PLEKHA2: variants seen among roughly 807,000 people sequenced by gnomAD.
The protein encoded by PLEKHA2 is pleckstrin homology domain containing A2.
PLEKHA2 carries 28 observed loss-of-function variants against 53.2 expected under a neutral mutation model. The ratio of observed to expected loss-of-function variants is 0.53; its 90% CI spans 0.39 to 0.72. PLEKHA2 has a LOEUF of 0.72. Ranked by LOEUF, PLEKHA2 falls within the 30% of genes least tolerant of loss-of-function variation. PLEKHA2 has a pLI of 0.00. For synonymous variants in PLEKHA2, 193 were observed against 196.4 expected, an observed-to-expected ratio of 0.98 and a Z score of 0.14; for missense variants, 426 against 537.9, an observed-to-expected ratio of 0.79 and a Z score of 2.06.
intron 1 of PLEKHA2, among the ~76,000 whole-genome samples, chr8:38,902,931 G>C (rs547344592): frequency 6.6e-6 from 1 of 152,148 alleles, no homozygotes; most frequent in Admixed American, 6.5e-5. Flanking sequence ...TCAGACATTA[G>C]CCCTCTTCAC....
At chr8:38,936,164 T>G (rs4633027) in intron 3 of PLEKHA2, 114 bp downstream of exon 3, 302,866 of 1,137,680 alleles carry the variant, frequency 0.27, 43,151 homozygotes, top group Non-Finnish European at 0.3. Context: ...TGCATGGTGT[T>G]GAAATGCTCC....
intron 10 of PLEKHA2, among the ~76,000 whole-genome samples, chr8:38,965,733 A>C (rs1432223612): frequency 6.6e-6 from 1 of 152,118 alleles, no homozygotes; most frequent in Non-Finnish European, 1.5e-5. Flanking sequence ...TCTTATGGAG[A>C]GGGCAATGCG....
chr8:38,920,497 A>G (rs1353322868), intron 2 of PLEKHA2, among the ~76,000 whole-genome samples: 1 of 144,140 alleles, frequency 6.9e-6, no homozygotes, highest in Non-Finnish European at 1.5e-5. Context: ...CTGGTCTTGA[A>G]CTCCTCACCT....
chr8:38,902,590 G>A (rs1833807828), intron 1 of PLEKHA2, among the ~76,000 whole-genome samples: 1 of 152,160 alleles, frequency 6.6e-6, no homozygotes, highest in Admixed American at 6.5e-5. Flanking sequence ...GAAGTCCCAA[G>A]ATTGCACTAA....
intron 10 of PLEKHA2, among the ~76,000 whole-genome samples, chr8:38,961,099 G>A (rs1313728084): frequency 2.0e-5 from 3 of 152,142 alleles, no homozygotes; most frequent in Non-Finnish European, 4.4e-5. Flanking sequence ...TAAGCTCATG[G>A]AGGTAGCCAG....
Position 38,918,054 on chromosome 8 carries a change from A to G in PLEKHA2, c.125A>G (p.Tyr42Cys). The part of the protein sequence containing the change: ...LDTQANCLLW[Y>C]MDNPQNLAMG... The stretch of plus-strand genomic sequence containing the variant: ...ACCCAGGCTAACTGCCTCCTCTGGT[A>G]TATGGACAACCCCCAGGTGAGAGGG... The change falls in exon 2 of 12, where the codon TAT (tyrosine) becomes TGT (cysteine). Residue 42 changes from tyrosine to cysteine, a missense_variant. Coordinates refer to ENST00000617275, the MANE Select transcript of PLEKHA2 (RefSeq NM_021623.2). The G allele has an allele frequency of 6.2e-7, 1 of 1,613,128 alleles. No individual in the cohort carries two copies. Among genetic ancestry groups the G allele is most frequent in the South Asian group, 1.1e-5 (1 of 90,980 alleles).
chr8:38,946,082 T>C lies in PLEKHA2; in HGVS notation c.248-42T>C, dbSNP rs1422870268. On this transcript the variant is annotated intron_variant, in intron 4 of 11. Transcript: ENST00000617275. ...GAGACTTGTTGTATTGCTTGTATTC[T>C]GACCTAGGAATGTCTTCCCTTCTTT... 7 of 1,492,598 alleles carry C rather than the reference T, an allele frequency of 4.7e-6. No homozygotes were observed. In the African/African-American group the frequency reaches 8.3e-5, roughly 18 times the overall value. 92.5% of individuals were successfully genotyped at this position (1,492,598 alleles called of 1,614,324 possible). A position where few individuals can be genotyped will look rare whatever the true frequency, so the allele number is the denominator to read the frequency against.
intron 1 of PLEKHA2, among the ~76,000 whole-genome samples, chr8:38,902,616 A>G (rs1833809061): frequency 6.6e-6 from 1 of 152,072 alleles, no homozygotes; most frequent in African/African-American, 2.4e-5. Flanking sequence ...TTCTTAATCT[A>G]TCTGACCAAG....
chr8:38,948,085 CAAA>C (rs386412587), intron 5 of PLEKHA2, among the ~76,000 whole-genome samples: 4 of 119,076 alleles, frequency 3.4e-5, no homozygotes, highest in Admixed American at 1.8e-4. Context: ...GACTCCATCT[CAAA>C]AAAAAAAAAA....
chr8:38,955,771 A>T (rs184473884), intron 9 of PLEKHA2, among the ~76,000 whole-genome samples: 1 of 152,328 alleles, frequency 6.6e-6, no homozygotes, highest in Non-Finnish European at 1.5e-5. Context: ...AACTCTTGGC[A>T]TATAACACAC....
intron 3 of PLEKHA2, among the ~76,000 whole-genome samples, chr8:38,940,658 G>GGGC (rs1049872732): frequency 2.0e-5 from 2 of 100,682 alleles, no homozygotes; most frequent in African/African-American, 7.7e-5. Flanking sequence ...GGCGGGGGGG[G>GGGC]GGGGTCAGAA....
At chr8:38,950,769 C>T (rs1024621587) in intron 5 of PLEKHA2, 81 bp from the exon 6 acceptor site, 23 of 1,518,918 alleles carry the variant, frequency 1.5e-5, no homozygotes, top group Middle Eastern at 1.8e-4. Flanking sequence ...GCTTTTCTCA[C>T]GGCAGCCCCA....
In PLEKHA2 at chr8:38,907,818, T is replaced by TATG. The variant is rs1833900625; in HGVS notation, c.-24+6373_-24+6374insATG. 2.7e-5 allele frequency among the ~76,000 whole-genome samples: 4 copies of TATG among 147,288 alleles called. No individual in the cohort carries two copies. In the South Asian group the frequency reaches 6.5e-4, roughly 24 times the overall value. Reference sequence around the variant, plus strand: ...TCACTCATCCAGCCAGCCACTTATTTTATGTATGTATGTATGTATGTATGT... The same window carrying TATG: ...TCACTCATCCAGCCAGCCACTTATTTATGTATGTATGTATGTATGTATGTATGT... On this transcript the variant is annotated intron_variant, in intron 1 of 11. Coordinates refer to ENST00000617275, the MANE Select transcript of PLEKHA2 (RefSeq NM_021623.2).
chr8:38,910,331 CAG>C (rs1833937680), intron 1 of PLEKHA2, among the ~76,000 whole-genome samples: 1 of 151,616 alleles, frequency 6.6e-6, no homozygotes, highest in South Asian at 2.1e-4. Context: ...TTGTGAGAGA[CAG>C]AGAAGAGAGG....
rs956488352 is a variant in PLEKHA2 at position 38,943,689 on chromosome 8, A to G, written c.199-100A>G. ...TATTATTTTTTAAAAATGTAGACAT[A>G]TGTTTAATGTACTCTTTATATATGA... On this transcript the variant is annotated intron_variant, in intron 3 of 11. Coordinates refer to ENST00000617275, the MANE Select transcript of PLEKHA2 (RefSeq NM_021623.2). 3 of 839,570 alleles carry G rather than the reference A, an allele frequency of 3.6e-6. No homozygotes were observed. The Admixed American group carries it at 9.8e-5, about 28-fold the overall frequency. The allele number at this position is 839,570 out of a possible 1,614,324, so 52.0% of individuals were successfully genotyped here.
rs1293865139 is a variant in PLEKHA2 at position 38,969,943 on chromosome 8, G to C, written c.*160G>C. 2 of 279,796 alleles carry C rather than the reference G, an allele frequency of 7.1e-6. No individual in the cohort carries two copies. Among genetic ancestry groups the C allele is most frequent in the African/African-American group, 3.1e-5 (1 of 31,920 alleles). 17.3% of individuals were successfully genotyped at this position (279,796 alleles called of 1,614,324 possible). On this transcript the variant is annotated 3_prime_UTR_variant, in exon 12 of 12. Coordinates refer to ENST00000617275, the MANE Select transcript of PLEKHA2 (RefSeq NM_021623.2). The stretch of plus-strand genomic sequence containing the variant: ...AGGGAGGGGCCCATCCAGCTGGGCT[G>C]TGTGTGTGTGTGTGTGTGTGTGTGT...
intron 2 of PLEKHA2, among the ~76,000 whole-genome samples, chr8:38,934,139 G>A (rs1322883403): frequency 6.6e-6 from 1 of 151,572 alleles, no homozygotes; most frequent in Non-Finnish European, 1.5e-5. Flanking sequence ...AGAAGAGGTA[G>A]AAGAAGAAGA....
chr8:38,908,017 G>A (rs944779149), intron 1 of PLEKHA2, among the ~76,000 whole-genome samples: 1 of 152,032 alleles, frequency 6.6e-6, no homozygotes, highest in Non-Finnish European at 1.5e-5. Context: ...CACCTCACCT[G>A]ACACTTATTT....
intron 2 of PLEKHA2, among the ~76,000 whole-genome samples, chr8:38,918,765 G>A (rs1834126984): frequency 6.6e-6 from 1 of 150,606 alleles, no homozygotes; most frequent in African/African-American, 2.4e-5. Flanking sequence ...ACACACACAT[G>A]CACACACACA....
Sources: allele counts gnomAD v4.1 joint callset (sites outside exome capture counted in the v4.1 genomes callset), GRCh38; gene constraint gnomAD v4.1.1; transcripts MANE v1.5; gene names NCBI Gene and HGNC (gene_info 2026-07-23, HGNC 2026-07-21).